Variants in TNS3 observed in about 807,000 individuals in gnomAD.
TNS3 encodes the protein tensin-3.
A neutral mutation model predicts 140.9 loss-of-function variants in TNS3; 45 were observed. That is an observed-to-expected ratio of 0.32 (90% confidence interval 0.25 to 0.41). TNS3 has a LOEUF of 0.41. Ranked by LOEUF, TNS3 falls within the 10% of genes least tolerant of loss-of-function variation. The pLI, the probability that TNS3 is intolerant of heterozygous loss-of-function variation, is 1.00. For synonymous variants in TNS3, 815 were observed against 788.4 expected (o/e 1.03, Z -0.56); for missense variants, 1,716 against 1,906.7 (o/e 0.90, Z 1.86).
chr7:47,502,664 G>T (rs1490394077), intron 3 of TNS3, among the ~76,000 whole-genome samples: 1 of 152,226 alleles, frequency 6.6e-6, no homozygotes, highest in Non-Finnish European at 1.5e-5. Flanking sequence ...CTATCACAAA[G>T]TTCTCTCTCC....
chr7:47,369,277 C>T lies in TNS3; in HGVS notation c.1369G>A (p.Val457Met), dbSNP rs751534391. The change falls in exon 17 of 31, where the codon GTG (valine) becomes ATG (methionine). Residue 457 changes from valine (V) to methionine (M), a missense_variant. Coordinates refer to ENST00000311160, the MANE Select transcript of TNS3 (RefSeq NM_022748.12). ...ARSKYSGTRHVVPAQVHVNGD... is the reference protein window; with the variant it reads ...ARSKYSGTRHMVPAQVHVNGD... ...TTCACGTGAACCTGGGCTGGCACCA[C>T]GTGGCGGGTCCCACTGTACTTGCTT... 1.9e-5 allele frequency: 31 copies of T among 1,614,092 alleles called. 1 individual carries two copies. The South Asian group carries it at 2.2e-4, about 11-fold the overall frequency.
rs200880886 is a variant in TNS3 at position 47,437,348 on chromosome 7, T to C, written c.151-35A>G. ...AGAGGAAAAATTGCCTTGCATAAAA[T>C]AGATTTTAATATTTTAAAAATTAAT... On this transcript the variant is annotated intron_variant, in intron 6 of 30. Transcript: ENST00000311160. 5.3e-5 allele frequency: 57 copies of C among 1,081,488 alleles called. No individual in the cohort carries two copies. In the East Asian group the frequency reaches 1.2e-3, roughly 23 times the overall value. The allele number at this position is 1,081,488 out of a possible 1,614,324, so 67.0% of individuals were successfully genotyped here.
At chr7:47,390,489 T>A (rs1427943508) in intron 16 of TNS3, among the ~76,000 whole-genome samples, 2 of 152,274 alleles carry the variant, frequency 1.3e-5, no homozygotes, top group East Asian at 3.9e-4. Context: ...CAAATGTGAA[T>A]CTCCTCTGTC....
At chr7:47,444,279 T>A (rs1405050611) in intron 4 of TNS3, among the ~76,000 whole-genome samples, 1 of 152,158 alleles carries the variant, frequency 6.6e-6, no homozygotes, top group Non-Finnish European at 1.5e-5. Context: ...AGACCACGCA[T>A]CCAAAATACA....
Position 47,366,600 on chromosome 7 carries a change from G to A in TNS3, c.2281+1765C>T, listed in dbSNP as rs75730522. Among the ~76,000 whole-genome samples the A allele has an allele frequency of 3.8e-3, 586 of 152,286 alleles. 1 individual carries two copies. Among genetic ancestry groups the A allele is most frequent in the African/African-American group, 0.013 (558 of 41,548 alleles). ...CAGGACCAACATCTGCAGGGTGTGT[G>A]CTCCTTCGCCCAGGCCACCCCAGAC... On this transcript the variant is annotated intron_variant, in intron 17 of 30. Transcript: ENST00000311160.
chr7:47,420,877 G>T (rs1448660969), intron 10 of TNS3, among the ~76,000 whole-genome samples: 5 of 152,198 alleles, frequency 3.3e-5, no homozygotes, highest in African/African-American at 1.2e-4. Flanking sequence ...TGGTAACTCG[G>T]ATACCTTCCA....
intron 15 of TNS3, among the ~76,000 whole-genome samples, chr7:47,397,686 G>A (rs1015146738): frequency 7.9e-5 from 12 of 152,178 alleles, no homozygotes; most frequent in African/African-American, 2.9e-4. Context: ...AGCAAAGCAA[G>A]TGTTAAGAGG....
At chr7:47,307,657 A>G (rs939764973) in intron 20 of TNS3, among the ~76,000 whole-genome samples, 3 of 152,266 alleles carry the variant, frequency 2.0e-5, no homozygotes, top group African/African-American at 4.8e-5. Context: ...GCGTAGTGGT[A>G]TAACACTGTG....
At chr7:47,449,111 T>G (rs1321976810) in intron 4 of TNS3, among the ~76,000 whole-genome samples, 1 of 152,250 alleles carries the variant, frequency 6.6e-6, no homozygotes, top group East Asian at 1.9e-4. Flanking sequence ...CCAGTTAAAC[T>G]GTACAGAATC....
At chr7:47,542,390 A>C (rs1394889847) in intron 1 of TNS3, among the ~76,000 whole-genome samples, 3 of 152,038 alleles carry the variant, frequency 2.0e-5, no homozygotes, top group African/African-American at 7.2e-5. Context: ...GGAGAGTCCA[A>C]ATCCTTAGTC....
rs1482829203 is a variant in TNS3 at position 47,414,015 on chromosome 7, C to T, written c.587-18G>A. The T allele has an allele frequency of 3.1e-6, 5 of 1,613,554 alleles. No homozygotes were observed. Among genetic ancestry groups the T allele is most frequent in the Non-Finnish European group, 3.4e-6 (4 of 1,179,778 alleles). On this transcript the variant is annotated intron_variant, in intron 11 of 30. Transcript: ENST00000311160. ...CCGGCACACTGAAAGAAAGGCACAA[C>T]TGTCTGTAGAGGCATGACCGGTACA...
chr7:47,368,612 G>A lies in TNS3; in HGVS notation c.2034C>T (p.Ala678=), dbSNP rs142175160. 7.3e-4 allele frequency: 1,155 copies of A among 1,591,650 alleles called. 8 individuals carry two copies. In the Middle Eastern group the frequency reaches 0.014, roughly 19 times the overall value. Residue 678 remains alanine (A), a synonymous_variant, in exon 17 of 31, where the codon GCC becomes GCT. Transcript: ENST00000311160. The part of the protein sequence containing the change: ...RFPGDQVVNG[A]GPELSTGPSP... Reference sequence around the variant, plus strand: ...AGGGGCCTGTGCTCAGCTCTGGGCCGGCTCCATTCACAACCTGGTCTCCTG... The same window carrying A: ...AGGGGCCTGTGCTCAGCTCTGGGCCAGCTCCATTCACAACCTGGTCTCCTG...
At chr7:47,286,081 T>C (rs1375244069) in intron 27 of TNS3, among the ~76,000 whole-genome samples, 2 of 152,190 alleles carry the variant, frequency 1.3e-5, no homozygotes, top group African/African-American at 4.8e-5. Context: ...AGCATTACTG[T>C]CATGCTGATC....
At chr7:47,579,380 C>G (rs550468542) in intron 1 of TNS3, 2 of 152,096 alleles carry the variant, frequency 1.3e-5, no homozygotes, top group African/African-American at 4.8e-5. Flanking sequence ...ATAGCTCCTG[C>G]TGCATGGGGC....
chr7:47,416,252 T>C (rs1434560205), intron 10 of TNS3, among the ~76,000 whole-genome samples: 1 of 152,242 alleles, frequency 6.6e-6, no homozygotes, highest in African/African-American at 2.4e-5. Context: ...CAGGTGACTG[T>C]GTTGCCAGCA....
Position 47,276,123 on chromosome 7 carries a change from GACATCAGGGTCAAC to G in TNS3, c.*1939_*1952del, listed in dbSNP as rs1224829753. ...CGAGATGCTAGAGGCCTCTGCTAAAGACATCAGGGTCAACACATGAGGATCTGCTGAAAATGCCA... is the reference window on the plus strand; with the variant it reads ...CGAGATGCTAGAGGCCTCTGCTAAAGACATGAGGATCTGCTGAAAATGCCA... On this transcript the variant is annotated 3_prime_UTR_variant, in exon 31 of 31. Coordinates refer to ENST00000311160, the MANE Select transcript of TNS3 (RefSeq NM_022748.12). The G allele has an allele frequency of 8.2e-6, 2 of 243,066 alleles. No individual in the cohort carries two copies. Among genetic ancestry groups the G allele is most frequent in the East Asian group, 2.4e-4 (2 of 8,506 alleles). The allele number at this position is 243,066 out of a possible 1,614,324, so 15.1% of individuals were successfully genotyped here.
At chr7:47,567,636 A>G (rs768932141) in intron 1 of TNS3, among the ~76,000 whole-genome samples, 81 of 149,460 alleles carry the variant, frequency 5.4e-4, no homozygotes, top group Non-Finnish European at 8.6e-4. Flanking sequence ...GTGAGCAGAG[A>G]TCATGCCACT....
chr7:47,381,039 G>A (rs927292566), intron 16 of TNS3, among the ~76,000 whole-genome samples: 2 of 152,208 alleles, frequency 1.3e-5, no homozygotes, highest in Admixed American at 1.3e-4. Flanking sequence ...GTGGGGTTTG[G>A]TGCACTCAGG....
rs189680147 is a variant in TNS3 at position 47,493,603 on chromosome 7, G to A, written c.-114-12462C>T. On this transcript the variant is annotated intron_variant, in intron 3 of 30. Coordinates refer to ENST00000311160, the MANE Select transcript of TNS3 (RefSeq NM_022748.12). ...GGAGGCCAAGGCGGGTGGATCACGA[G>A]GTCAGGAGATCGAGACCATCCTGGC... 9.6e-4 allele frequency among the ~76,000 whole-genome samples: 145 copies of A among 151,816 alleles called. 1 individual carries two copies. In the East Asian group the frequency reaches 0.025, roughly 27 times the overall value.
Sources: allele counts gnomAD v4.1 joint callset (sites outside exome capture counted in the v4.1 genomes callset), GRCh38; gene constraint gnomAD v4.1.1; transcripts MANE v1.5; gene names NCBI Gene and HGNC (gene_info 2026-07-23, HGNC 2026-07-21).